The following JAZF1 variants were observed in gnomAD, a reference collection of about 807,000 sequenced individuals.
JAZF1 encodes the protein juxtaposed with another zinc finger protein 1.
Under a neutral mutation model 26.4 loss-of-function variants are expected in JAZF1, and 8 were observed. The ratio of observed to expected loss-of-function variants is 0.30; its 90% CI spans 0.18 to 0.55. JAZF1 has a LOEUF of 0.55. JAZF1 is among the 20% of genes least tolerant of loss of function. The probability of loss-of-function intolerance (pLI) is 0.94; values close to 1 mark genes in which losing one functional copy is unlikely to be tolerated. For synonymous variants in JAZF1, 126 were observed against 122.3 expected (o/e 1.03, Z -0.20); for missense variants, 199 against 322.0 (o/e 0.62, Z 2.92).
intron 1 of JAZF1, among the ~76,000 whole-genome samples, chr7:28,091,414 A>C (rs1260708095): frequency 1.3e-5 from 2 of 151,830 alleles, no homozygotes; most frequent in African/African-American, 4.8e-5. Flanking sequence ...TGCTACCATA[A>C]CAATTTTCAC....
intron 1 of JAZF1, among the ~76,000 whole-genome samples, chr7:28,062,858 C>CGTCT (rs1385011039): frequency 6.6e-6 from 1 of 152,204 alleles, no homozygotes; most frequent in Non-Finnish European, 1.5e-5. Flanking sequence ...CCTCGTTTGA[C>CGTCT]CCAGACTGAC....
chr7:27,992,058 G>A (rs1321182753), intron 1 of JAZF1, 77 bp from the exon 2 acceptor site: 3 of 858,106 alleles, frequency 3.5e-6, no homozygotes, highest in Admixed American at 3.5e-5. Flanking sequence ...CAAAGTAACA[G>A]AGGCTAAGCA....
chr7:28,110,060 AT>A (rs2127932124), intron 1 of JAZF1, among the ~76,000 whole-genome samples: 1 of 152,332 alleles, frequency 6.6e-6, no homozygotes, highest in Admixed American at 6.5e-5. Flanking sequence ...GAAAACATTC[AT>A]TTGACTCCTG....
chr7:27,979,722 A>G (rs1785543442), intron 2 of JAZF1, among the ~76,000 whole-genome samples: 1 of 152,000 alleles, frequency 6.6e-6, no homozygotes, highest in South Asian at 2.1e-4. Context: ...AGCTCCCCGA[A>G]TCCCCTGCCT....
chr7:28,180,741 G>A lies in JAZF1; in HGVS notation c.-164C>T, dbSNP rs1783636821. 4.6e-6 allele frequency: 2 copies of A among 430,568 alleles called. No homozygotes were observed. The highest frequency in any genetic ancestry group is 3.8e-5 in the Admixed American group (1 of 25,986). 26.7% of individuals were successfully genotyped at this position (430,568 alleles called of 1,614,324 possible). A position where few individuals can be genotyped will look rare whatever the true frequency, so the allele number is the denominator to read the frequency against. On this transcript the variant is annotated 5_prime_UTR_variant, in exon 1 of 5. Transcript: ENST00000283928. The stretch of plus-strand genomic sequence containing the variant: ...GGACGGAGGGAGAGGGGGCGAGAGA[G>A]ATGGAAGGAGAGCGAGGAGCCACCG...
intron 1 of JAZF1, among the ~76,000 whole-genome samples, chr7:28,061,314 T>G (rs529718257): frequency 6.6e-6 from 1 of 152,252 alleles, no homozygotes; most frequent in Non-Finnish European, 1.5e-5. Flanking sequence ...TATGATCACG[T>G]TATAAAATCA....
At chr7:27,960,110 G>C (rs1252212421) in intron 2 of JAZF1, among the ~76,000 whole-genome samples, 1 of 152,140 alleles carries the variant, frequency 6.6e-6, no homozygotes, top group African/African-American at 2.4e-5. Flanking sequence ...CTCTGGAAAA[G>C]GTATACATCT....
intron 2 of JAZF1, among the ~76,000 whole-genome samples, chr7:27,959,070 A>T (rs1785147770): frequency 6.6e-6 from 1 of 152,216 alleles, no homozygotes; most frequent in Non-Finnish European, 1.5e-5. Flanking sequence ...GTGGTAAAAT[A>T]AAAAGACATG....
intron 1 of JAZF1, among the ~76,000 whole-genome samples, chr7:28,038,380 T>C (rs546967762): frequency 6.6e-6 from 1 of 152,168 alleles, no homozygotes; most frequent in African/African-American, 2.4e-5. Flanking sequence ...AAATCCAAAG[T>C]AGACTTGAAC....
intron 1 of JAZF1, among the ~76,000 whole-genome samples, chr7:28,064,518 C>T (rs113091917): frequency 2.6e-5 from 4 of 152,152 alleles, no homozygotes; most frequent in African/African-American, 9.6e-5. Context: ...TGAAATGTAG[C>T]TACAAAAAAA....
chr7:28,031,064 A>T (rs1783181148), intron 1 of JAZF1, among the ~76,000 whole-genome samples: 1 of 152,200 alleles, frequency 6.6e-6, no homozygotes, highest in Non-Finnish European at 1.5e-5. Flanking sequence ...CTATACACGA[A>T]GCATATTCAC....
intron 1 of JAZF1, among the ~76,000 whole-genome samples, chr7:28,179,784 C>T (rs991690159): frequency 1.4e-5 from 2 of 147,774 alleles, no homozygotes; most frequent in African/African-American, 4.9e-5. Flanking sequence ...GCTCCCCGGC[C>T]CCCGCCCGCG....
chr7:27,839,394 A>G (rs1393604159), intron 4 of JAZF1, among the ~76,000 whole-genome samples: 2 of 152,202 alleles, frequency 1.3e-5, no homozygotes, highest in East Asian at 3.8e-4. Context: ...GAAAGAAGGA[A>G]AAAGTCTCTT....
intron 2 of JAZF1, among the ~76,000 whole-genome samples, chr7:27,922,145 T>C (rs761760504): frequency 3.0e-4 from 45 of 152,212 alleles, no homozygotes; most frequent in Non-Finnish European, 5.4e-4. Context: ...TACATAAAGA[T>C]AAAAATGAGG....
intron 2 of JAZF1, among the ~76,000 whole-genome samples, chr7:27,966,413 G>T (rs888914207): frequency 2.6e-5 from 4 of 152,178 alleles, no homozygotes; most frequent in African/African-American, 9.7e-5. Flanking sequence ...AATTGGGGTG[G>T]TTTGGCAACG....
chr7:28,152,871 A>G (rs1224226427), intron 1 of JAZF1, among the ~76,000 whole-genome samples: 1 of 152,190 alleles, frequency 6.6e-6, no homozygotes, highest in Non-Finnish European at 1.5e-5. Flanking sequence ...TACAGAGATA[A>G]CCCAATACAG....
At chr7:28,004,918 G>T (rs1296900383) in intron 1 of JAZF1, among the ~76,000 whole-genome samples, 1 of 152,174 alleles carries the variant, frequency 6.6e-6, no homozygotes, top group Non-Finnish European at 1.5e-5. Context: ...CTCCCAAAGT[G>T]CTGGGATTAC....
intron 1 of JAZF1, 137 bp from the exon 2 acceptor site, chr7:27,992,118 C>T (rs757944958): frequency 1.8e-5 from 13 of 706,034 alleles, no homozygotes; most frequent in South Asian, 1.5e-4. Context: ...ACTGAGTCGG[C>T]GAAGCACAAT....
At chr7:27,954,412 G>A (rs760149427) in intron 2 of JAZF1, among the ~76,000 whole-genome samples, 15 of 152,170 alleles carry the variant, frequency 9.9e-5, no homozygotes, top group Non-Finnish European at 1.9e-4. Flanking sequence ...GGGTGTGGCT[G>A]CTCAGTTTGG....
Sources: allele counts gnomAD v4.1 joint callset (sites outside exome capture counted in the v4.1 genomes callset), GRCh38; gene constraint gnomAD v4.1.1; transcripts MANE v1.5; gene names NCBI Gene and HGNC (gene_info 2026-07-23, HGNC 2026-07-21).